Variants in CPLX1 observed in about 807,000 individuals in gnomAD.
The protein encoded by CPLX1 is complexin-1.
A neutral mutation model predicts 15.6 loss-of-function variants in CPLX1; 6 were observed. The ratio of observed to expected loss-of-function variants is 0.39; its 90% CI spans 0.21 to 0.76. The LOEUF is 0.76. CPLX1 is among the 30% of genes least tolerant of loss of function. The pLI is 0.43. For synonymous variants in CPLX1, 91 were observed against 75.2 expected, an observed-to-expected ratio of 1.21 and a Z score of -1.08; for missense variants, 242 against 188.6, an observed-to-expected ratio of 1.28 and a Z score of -1.66.
intron 2 of CPLX1, 50 bp downstream of exon 2, chr4:824,442 G>A: frequency 6.5e-7 from 1 of 1,527,966 alleles, no homozygotes; most frequent in South Asian, 1.1e-5. Context: ...TGCTGTGGTG[G>A]TCTCTCCATG....
Position 804,971 on chromosome 4 carries a change from G to A in CPLX1, c.32-12363C>T, listed in dbSNP as rs866605510. 33 of 981,140 alleles carry A rather than the reference G, an allele frequency of 3.4e-5. No individual in the cohort carries two copies. In the East Asian group the frequency reaches 3.1e-3, roughly 91 times the overall value. 60.8% of individuals were successfully genotyped at this position (981,140 alleles called of 1,614,324 possible). A position where few individuals can be genotyped will look rare whatever the true frequency, so the allele number is the denominator to read the frequency against. ...ACCCGGCGTCCCACTCCTGCGCGGC[G>A]GCCGGCTAGGGCGGGTGCTCCTCTG... On this transcript the variant is annotated intron_variant, in intron 2 of 3. Transcript: ENST00000304062.
chr4:792,421 C>G lies in CPLX1; in HGVS notation c.207+12G>C. The G allele has an allele frequency of 6.5e-7, 1 of 1,528,466 alleles. No homozygotes were observed. Among genetic ancestry groups the G allele is most frequent in the Non-Finnish European group, 8.8e-7 (1 of 1,139,314 alleles). The allele number at this position is 1,528,466 out of a possible 1,614,324, so 94.7% of individuals were successfully genotyped here. A position where few individuals can be genotyped will look rare whatever the true frequency, so the allele number is the denominator to read the frequency against. On this transcript the variant is annotated intron_variant, in intron 3 of 3. Coordinates refer to ENST00000304062, the MANE Select transcript of CPLX1 (RefSeq NM_006651.4). ...GCCGCCTTCCCGCAGGCGGGGCCGG[C>G]CCGGCGCGCACCTTGTCTCGGATGC...
intron 2 of CPLX1, among the ~76,000 whole-genome samples, chr4:795,624 T>TC (rs1746310631): frequency 1.3e-5 from 2 of 151,942 alleles, no homozygotes; most frequent in African/African-American, 2.4e-5. Flanking sequence ...AGCCTCAGCT[T>TC]CCCCCCGTGA....
intron 2 of CPLX1, among the ~76,000 whole-genome samples, chr4:796,593 T>G (rs555169393): frequency 6.6e-6 from 1 of 152,328 alleles, no homozygotes; most frequent in South Asian, 2.1e-4. Flanking sequence ...CAATGTTAAT[T>G]TTTAAGAATG....
At chr4:789,331 C>T (rs547603959) in intron 3 of CPLX1, among the ~76,000 whole-genome samples, 16 of 151,758 alleles carry the variant, frequency 1.1e-4, no homozygotes, top group Middle Eastern at 3.4e-3. Flanking sequence ...CTGCTGGGGG[C>T]GCCCAGGAGG....
At chr4:788,549 A>G (rs1331153105) in intron 3 of CPLX1, 5 of 985,350 alleles carry the variant, frequency 5.1e-6, no homozygotes, top group Non-Finnish European at 4.8e-6. Flanking sequence ...TTCTCCGCAC[A>G]ACAGGGGCGA....
rs373179110 is a variant in CPLX1 at position 792,406 on chromosome 4, C to T, written c.207+27G>A. 6.1e-4 allele frequency: 916 copies of T among 1,505,870 alleles called. 3 individuals are homozygous for T. Among genetic ancestry groups the T allele is most frequent in the Middle Eastern group, 4.1e-3 (19 of 4,642 alleles). 93.3% of individuals were successfully genotyped at this position (1,505,870 alleles called of 1,614,324 possible). A position where few individuals can be genotyped will look rare whatever the true frequency, so the allele number is the denominator to read the frequency against. On this transcript the variant is annotated intron_variant, in intron 3 of 3. Transcript: ENST00000304062. ...CCCGCTGGACTCAGGGCCGCCTTCC[C>T]GCAGGCGGGGCCGGCCCGGCGCGCA...
intron 3 of CPLX1, chr4:788,112 C>A: frequency 3.0e-6 from 3 of 985,408 alleles, no homozygotes; most frequent in South Asian, 4.7e-5. Flanking sequence ...CAGGGAGGGG[C>A]CTTTCTGCCC....
rs532696231 is a variant in CPLX1, at chr4:820,002, C to T, written c.31+4490G>A. Among the ~76,000 whole-genome samples the T allele has an allele frequency of 2.7e-4, 41 of 152,340 alleles. 1 individual carries two copies. In the South Asian group the frequency reaches 7.7e-3, roughly 28 times the overall value. On this transcript the variant is annotated intron_variant, in intron 2 of 3. Transcript: ENST00000304062. Reference sequence around the variant, plus strand: ...CACCCCAATTCAAGCTCCTCTTCCTCTGATTGTTACTTGCAGCCAAAAGAA... The same window carrying T: ...CACCCCAATTCAAGCTCCTCTTCCTTTGATTGTTACTTGCAGCCAAAAGAA...
At chr4:797,301 G>T (rs1224788747) in intron 2 of CPLX1, among the ~76,000 whole-genome samples, 1 of 152,158 alleles carries the variant, frequency 6.6e-6, no homozygotes, top group East Asian at 1.9e-4. Context: ...GCTCGGAGCT[G>T]CAGCCCTGGC....
chr4:795,202 G>A (rs1180350694), intron 2 of CPLX1, among the ~76,000 whole-genome samples: 1 of 152,270 alleles, frequency 6.6e-6, no homozygotes, highest in African/African-American at 2.4e-5. Flanking sequence ...ATTGGGCGCA[G>A]CCAGGAGCGC....
At chr4:787,571 G>T in intron 3 of CPLX1, 1 of 688,994 alleles carries the variant, frequency 1.5e-6, no homozygotes, top group Non-Finnish European at 1.8e-6. Flanking sequence ...ATGGGGGCGG[G>T]CATACGAAAG....
chr4:821,796 C>G (rs1476686854), intron 2 of CPLX1, among the ~76,000 whole-genome samples: 1 of 152,216 alleles, frequency 6.6e-6, no homozygotes, highest in African/African-American at 2.4e-5. Flanking sequence ...GTGGCCCCAA[C>G]AGGGGCCCCT....
At chr4:787,063 T>C (rs1285865091) in intron 3 of CPLX1, 2 of 985,192 alleles carry the variant, frequency 2.0e-6, no homozygotes, top group African/African-American at 3.5e-5. Flanking sequence ...GTGGGCAGGA[T>C]GCTGCGTGGC....
chr4:812,615 G>A (rs994849217), intron 2 of CPLX1, among the ~76,000 whole-genome samples: 2 of 152,136 alleles, frequency 1.3e-5, no homozygotes, highest in Non-Finnish European at 2.9e-5. Flanking sequence ...CAAAATAAGA[G>A]AGGAAAGGAC....
At chr4:818,378 C>A (rs545467308) in intron 2 of CPLX1, among the ~76,000 whole-genome samples, 2 of 152,384 alleles carry the variant, frequency 1.3e-5, no homozygotes, top group South Asian at 4.1e-4. Flanking sequence ...CGACTGCCAC[C>A]GTCTCAGAGA....
intron 2 of CPLX1, among the ~76,000 whole-genome samples, chr4:803,941 G>A (rs1746507362): frequency 6.6e-6 from 1 of 152,336 alleles, no homozygotes; most frequent in East Asian, 1.9e-4. Context: ...AAAGTGCTGA[G>A]ATTACAGGCG....
At chr4:817,605 A>C (rs962710331) in intron 2 of CPLX1, among the ~76,000 whole-genome samples, 6 of 152,124 alleles carry the variant, frequency 3.9e-5, no homozygotes, top group African/African-American at 1.4e-4. Flanking sequence ...CAAAAATTAA[A>C]ACAAGACCCA....
intron 3 of CPLX1, among the ~76,000 whole-genome samples, chr4:791,615 T>C (rs1746177937): frequency 6.6e-6 from 1 of 152,154 alleles, no homozygotes; most frequent in Non-Finnish European, 1.5e-5. Flanking sequence ...CCCGGGAGTC[T>C]GAACCTTCCC....
Sources: allele counts gnomAD v4.1 joint callset (sites outside exome capture counted in the v4.1 genomes callset), GRCh38; gene constraint gnomAD v4.1.1; transcripts MANE v1.5; gene names NCBI Gene and HGNC (gene_info 2026-07-23, HGNC 2026-07-21).